FAM184A: variants seen among roughly 807,000 people sequenced by gnomAD.
FAM184A encodes family with sequence similarity 184 member A, also known as protein FAM184A.
Under a neutral mutation model 143.8 loss-of-function variants are expected in FAM184A, and 99 were observed. That is an observed-to-expected ratio of 0.69 (90% CI 0.58 to 0.81). The LOEUF (loss-of-function observed/expected upper bound fraction) is 0.81. Among genes scored for constraint, FAM184A ranks in the 40% least tolerant of loss-of-function variants. The pLI is 0.00. For synonymous variants in FAM184A, 427 were observed against 446.4 expected, an observed-to-expected ratio of 0.96 and a Z score of 0.55; for missense variants, 1,217 against 1,310.5, an observed-to-expected ratio of 0.93 and a Z score of 1.10.
intron 1 of FAM184A, among the ~76,000 whole-genome samples, chr6:119,121,560 A>C (rs1180706581): frequency 6.6e-6 from 1 of 152,228 alleles, no homozygotes; most frequent in African/African-American, 2.4e-5. Flanking sequence ...AACAAAACTT[A>C]ATGATGTCAG....
chr6:118,988,954 A>T (rs1395730700), intron 9 of FAM184A, among the ~76,000 whole-genome samples: 4 of 112,032 alleles, frequency 3.6e-5, no homozygotes, highest in East Asian at 2.5e-4. Flanking sequence ...TCTGGACATG[A>T]TTTTTTTTTT....
intron 1 of FAM184A, among the ~76,000 whole-genome samples, chr6:119,077,693 A>G (rs1445986568): frequency 6.6e-6 from 1 of 152,188 alleles, no homozygotes; most frequent in Non-Finnish European, 1.5e-5. Flanking sequence ...CATTCCTCTG[A>G]AAGTTGATTC....
At chr6:119,042,076 C>T (rs898121787) in intron 1 of FAM184A, among the ~76,000 whole-genome samples, 3 of 152,032 alleles carry the variant, frequency 2.0e-5, no homozygotes, top group South Asian at 2.1e-4. Context: ...TGGTTAAGCC[C>T]GGAACCCAGA....
chr6:119,040,847 G>A (rs963154083), intron 1 of FAM184A, among the ~76,000 whole-genome samples: 2 of 152,136 alleles, frequency 1.3e-5, no homozygotes, highest in Non-Finnish European at 2.9e-5. Context: ...ACCACTTTAG[G>A]AGGTGGAGAA....
At chr6:118,984,942 T>G (rs1241274292) in intron 9 of FAM184A, among the ~76,000 whole-genome samples, 1 of 152,228 alleles carries the variant, frequency 6.6e-6, no homozygotes, top group South Asian at 2.1e-4. Flanking sequence ...TGGTTCGTTA[T>G]GAAAATTTTA....
intron 1 of FAM184A, among the ~76,000 whole-genome samples, chr6:119,136,957 T>C (rs2114884441): frequency 6.6e-6 from 1 of 152,306 alleles, no homozygotes; most frequent in East Asian, 1.9e-4. Flanking sequence ...ACTGGCAAAA[T>C]TGCAGATAGC....
intron 9 of FAM184A, among the ~76,000 whole-genome samples, chr6:118,987,497 T>C (rs956309590): frequency 5.9e-5 from 9 of 152,208 alleles, no homozygotes; most frequent in Non-Finnish European, 1.0e-4. Flanking sequence ...TGGAATATTA[T>C]TTTGAAGATG....
intron 1 of FAM184A, among the ~76,000 whole-genome samples, chr6:119,066,050 GGGAA>G (rs1787441961): frequency 6.6e-6 from 1 of 152,184 alleles, no homozygotes; most frequent in Non-Finnish European, 1.5e-5. Context: ...CATGTGTACA[GGGAA>G]GGAAGAGAGG....
At chr6:119,002,707 T>C (rs974320958) in intron 9 of FAM184A, among the ~76,000 whole-genome samples, 192 bp downstream of exon 9, 2 of 152,182 alleles carry the variant, frequency 1.3e-5, no homozygotes, top group Admixed American at 1.3e-4. Context: ...AGACTGCATA[T>C]ATAACAATGA....
At position 119,024,374 on chromosome 6, in the gene FAM184A, T is replaced by A. The variant is rs1477117474; in HGVS notation, c.599A>T (p.Glu200Val). 1.2e-6 allele frequency: 2 copies of A among 1,614,194 alleles called. No homozygotes were observed. Among genetic ancestry groups the A allele is most frequent in the East Asian group, 4.5e-5 (2 of 44,878 alleles). The part of the protein sequence containing the change: ...LQAAHRREIQ[E>V]LLKSQQDHSA... ...GTGATCCTGCTGTGACTTCAATAGC[T>A]CTTGTATCTCCCGTCTGTGAGCAGC... The change falls in exon 2 of 18, where the codon GAG becomes GTG. Residue 200 changes from glutamate (E) to valine (V), a missense_variant. Coordinates refer to ENST00000338891, the MANE Select transcript of FAM184A (RefSeq NM_024581.6).
chr6:119,023,556 C>T (rs967250564), intron 2 of FAM184A, among the ~76,000 whole-genome samples: 1 of 1,208 alleles, frequency 8.3e-4, no homozygotes, highest in Admixed American at 0.023. Flanking sequence ...ATATTGTCCG[C>T]CCCCCCCCCC....
chr6:119,073,753 A>AC (rs972958256), intron 1 of FAM184A, among the ~76,000 whole-genome samples: 3 of 152,232 alleles, frequency 2.0e-5, no homozygotes, highest in African/African-American at 7.2e-5. Flanking sequence ...CTAACCTGGT[A>AC]CCTGATTAAT....
intron 1 of FAM184A, among the ~76,000 whole-genome samples, chr6:119,133,780 A>C (rs532911193): frequency 5.9e-5 from 9 of 152,084 alleles, no homozygotes; most frequent in Non-Finnish European, 8.8e-5. Flanking sequence ...TTACAAGTAC[A>C]CAGGTGCATA....
chr6:119,138,915 C>T (rs1382648600), intron 1 of FAM184A, among the ~76,000 whole-genome samples: 7 of 152,136 alleles, frequency 4.6e-5, no homozygotes, highest in African/African-American at 1.2e-4. Context: ...CATGAGCCAC[C>T]GCACCCAGCC....
chr6:119,075,925 C>G (rs1027704200), intron 1 of FAM184A, among the ~76,000 whole-genome samples: 7 of 152,138 alleles, frequency 4.6e-5, no homozygotes, highest in Admixed American at 2.0e-4. Context: ...GATGTTGGCT[C>G]CAACAGAGTC....
intron 1 of FAM184A, among the ~76,000 whole-genome samples, chr6:119,107,415 G>T (rs1478692446): frequency 6.6e-6 from 1 of 152,080 alleles, no homozygotes; most frequent in Admixed American, 6.6e-5. Flanking sequence ...GTGAGGGAAG[G>T]GTAAGAGGAG....
intron 1 of FAM184A, among the ~76,000 whole-genome samples, chr6:119,051,694 A>G (rs139311417): frequency 6.6e-6 from 1 of 152,284 alleles, no homozygotes; most frequent in African/African-American, 2.4e-5. Flanking sequence ...TCTTGCCAAA[A>G]AAGAAAAAAA....
rs772152278 is a variant in FAM184A, at chr6:118,974,398, A to T, written c.2915+30T>A. 4 of 1,579,362 alleles carry T rather than the reference A, an allele frequency of 2.5e-6. No homozygotes were observed. In the South Asian group the frequency reaches 4.7e-5, roughly 18 times the overall value. ...CAGTGCTCCTAAATTTATTATCCAC[A>T]TATGAATTTTCTTATATAATATGAC... On this transcript the variant is annotated intron_variant, in intron 14 of 17. Transcript: ENST00000338891.
intron 9 of FAM184A, among the ~76,000 whole-genome samples, chr6:118,986,937 T>G (rs1472243668): frequency 6.6e-6 from 1 of 152,230 alleles, no homozygotes. Flanking sequence ...GTTTGTTGTT[T>G]CTTTTAAGAG....
Sources: gnomAD v4.1 joint callset for allele counts (sites outside exome capture counted in the v4.1 genomes callset) on GRCh38, gnomAD v4.1.1 for gene constraint, MANE v1.5 for transcripts, NCBI Gene and HGNC (gene_info 2026-07-23, HGNC 2026-07-21) for gene names.